The following CLPTM1L variants were observed in gnomAD, a reference collection of about 807,000 sequenced individuals.
CLPTM1L encodes the protein lipid scramblase CLPTM1L.
CLPTM1L carries 38 observed loss-of-function variants against 70.9 expected under a neutral mutation model. The observed-to-expected ratio is 0.54, with a 90% confidence interval of 0.41 to 0.70. The LOEUF (loss-of-function observed/expected upper bound fraction) is 0.70. Ranked by LOEUF, CLPTM1L falls within the 30% of genes least tolerant of loss-of-function variation. The pLI, the probability that CLPTM1L is intolerant of heterozygous loss-of-function variation, is 0.00. For missense variants in CLPTM1L, 652 were observed against 705.9 expected, an observed-to-expected ratio of 0.92 and a Z score of 0.87; for synonymous variants, 339 against 299.9, an observed-to-expected ratio of 1.13 and a Z score of -1.35.
chr5:1,331,474 G>C, intron 8 of CLPTM1L: 1 of 426,030 alleles, frequency 2.3e-6, no homozygotes. Flanking sequence ...CAGCGCCCAT[G>C]AGCAGCCGGG....
rs1205010137 is a variant in CLPTM1L at position 1,317,889 on chromosome 5, T to C, written c.*480A>G. On this transcript the variant is annotated 3_prime_UTR_variant, in exon 17 of 17. Transcript: ENST00000320895. ...AAATGCCACAGCCAGAAAAATTTAT[T>C]TTAAAATAGAAACATACATTAAGCT... 6.5e-6 allele frequency: 1 copy of C among 154,588 alleles called. No homozygotes were observed. Among genetic ancestry groups the C allele is most frequent in the Non-Finnish European group, 1.4e-5 (1 of 69,756 alleles). The allele number at this position is 154,588 out of a possible 1,614,324, so 9.6% of individuals were successfully genotyped here.
intron 2 of CLPTM1L, among the ~76,000 whole-genome samples, chr5:1,343,054 G>C (rs1173162627): frequency 6.6e-6 from 1 of 152,222 alleles, no homozygotes; most frequent in Non-Finnish European, 1.5e-5. Context: ...AGCCAGGCGT[G>C]GTGGCGGGTG....
chr5:1,339,150 G>C, intron 3 of CLPTM1L, 145 bp from the exon 4 acceptor site: 1 of 932,056 alleles, frequency 1.1e-6, no homozygotes, highest in Non-Finnish European at 1.6e-6. Flanking sequence ...CCTAACCTGT[G>C]AAGAGATGGC....
Position 1,320,644 on chromosome 5 carries a change from C to A in CLPTM1L, c.1504G>T (p.Val502Leu), listed in dbSNP as rs963367224. 2.6e-6 allele frequency: 4 copies of A among 1,545,430 alleles called. No homozygotes were observed. Among genetic ancestry groups the A allele is most frequent in the Non-Finnish European group, 3.5e-6 (4 of 1,143,988 alleles). The change falls in exon 16 of 17, where the codon GTG becomes TTG. Residue 502 changes from valine (V) to leucine (L), a missense_variant. Val to Leu is a conservative substitution (Grantham distance 32). This residue lies in a region of CLPTM1L where 240 missense variants were observed against 295.0 expected (regional missense o/e 0.81). Transcript: ENST00000320895. ...HRLACFRDDVVFLVYLYQRWL... is the reference protein window; with the variant it reads ...HRLACFRDDVLFLVYLYQRWL... The stretch of plus-strand genomic sequence containing the variant: ...CGCTGGTACAGGTAGACCAGAAACA[C>A]CACGTCGTCCCGGAAGCAGGCCAGC...
intron 3 of CLPTM1L, 123 bp from the exon 4 acceptor site, chr5:1,339,128 C>G (rs1307409073): frequency 3.4e-6 from 4 of 1,164,846 alleles, no homozygotes; most frequent in Non-Finnish European, 4.8e-6. Flanking sequence ...CCCGGGACAG[C>G]AGGGTCAGCC....
At chr5:1,336,686 C>T (rs1366743678) in intron 5 of CLPTM1L, among the ~76,000 whole-genome samples, 4 of 152,194 alleles carry the variant, frequency 2.6e-5, no homozygotes, top group African/African-American at 7.2e-5. Context: ...TTGCAGGGGC[C>T]GACAGAGAAA....
In CLPTM1L at chr5:1,330,364, G is replaced by A. The variant is rs1181274564; in HGVS notation, c.996C>T (p.Ser332=). Residue 332 remains serine (S), a synonymous_variant, in exon 9 of 17, where the codon AGC becomes AGT. Coordinates refer to ENST00000320895, the MANE Select transcript of CLPTM1L (RefSeq NM_030782.5). Reference sequence around the variant, plus strand: ...GCAGGAACAGAAAGATGACCACGGTGCTGAAGCAGCGCCAGAGCACTGGGG... The same window carrying A: ...GCAGGAACAGAAAGATGACCACGGTACTGAAGCAGCGCCAGAGCACTGGGG... ...STKAVLWRCF[S]TVVIFLFLLD... is the part of the protein sequence containing the mutation. 1.2e-6 allele frequency: 2 copies of A among 1,612,748 alleles called. No individual in the cohort carries two copies. The highest frequency in any genetic ancestry group is 2.7e-5 in the African/African-American group (2 of 74,926).
At chr5:1,340,328 A>G (rs957135607) in intron 3 of CLPTM1L, among the ~76,000 whole-genome samples, 2 of 152,166 alleles carry the variant, frequency 1.3e-5, no homozygotes, top group Non-Finnish European at 2.9e-5. Context: ...TAAAGGAGAC[A>G]TACTGAGGAT....
intron 9 of CLPTM1L, among the ~76,000 whole-genome samples, chr5:1,327,671 A>AGCTCCTCCTCTACAGACACATTTCATCCT: frequency 6.8e-6 from 1 of 147,842 alleles, no homozygotes; most frequent in Non-Finnish European, 1.5e-5. Flanking sequence ...CATTTCATCC[A>AGCTCCTCCTCTACAGACACATTTCATCCT]GCTCCTCCTC....
intron 16 of CLPTM1L, chr5:1,320,060 C>G (rs374275734): frequency 5.8e-4 from 88 of 152,406 alleles, no homozygotes; most frequent in African/African-American, 2.0e-3. Context: ...GAACCTCTGC[C>G]TTTAGAAAAT....
At chr5:1,335,330 G>A (rs1380048817) in intron 5 of CLPTM1L, among the ~76,000 whole-genome samples, 156 bp from the exon 6 acceptor site, 2 of 152,166 alleles carry the variant, frequency 1.3e-5, no homozygotes, top group African/African-American at 4.8e-5. Context: ...CCCTCCTTCT[G>A]TCACCACAGG....
At chr5:1,340,582 G>C (rs1441709984) in intron 3 of CLPTM1L, among the ~76,000 whole-genome samples, 1 of 152,214 alleles carries the variant, frequency 6.6e-6, no homozygotes, top group Non-Finnish European at 1.5e-5. Flanking sequence ...CAGGACACTG[G>C]AGAGGAGGGA....
intron 9 of CLPTM1L, among the ~76,000 whole-genome samples, chr5:1,327,567 A>T (rs1389361331): frequency 1.3e-5 from 2 of 148,766 alleles, no homozygotes; most frequent in East Asian, 4.1e-4. Context: ...CTCCTGCTCT[A>T]CAGGGACATT....
chr5:1,320,498 T>TA (rs1579615700), intron 16 of CLPTM1L, 118 bp downstream of exon 16: 11 of 544,844 alleles, frequency 2.0e-5, no homozygotes, highest in Non-Finnish European at 3.4e-5. Flanking sequence ...CACCTGCAAA[T>TA]TATCTTTTCC....
chr5:1,333,652 A>G (rs1753325240), intron 7 of CLPTM1L, among the ~76,000 whole-genome samples: 1 of 102,234 alleles, frequency 9.8e-6, no homozygotes. Flanking sequence ...GGACTACTGT[A>G]TACACACCGG....
At chr5:1,322,406 G>C (rs922880392) in intron 13 of CLPTM1L, among the ~76,000 whole-genome samples, 1 of 152,228 alleles carries the variant, frequency 6.6e-6, no homozygotes, top group Admixed American at 6.5e-5. Context: ...TCCCCACACT[G>C]CATCTGCAGG....
intron 2 of CLPTM1L, among the ~76,000 whole-genome samples, chr5:1,343,430 T>C (rs1193923830): frequency 2.0e-5 from 3 of 152,276 alleles, no homozygotes; most frequent in Non-Finnish European, 4.4e-5. Flanking sequence ...CCAGGTCAAA[T>C]GGAAAACCTC....
At chr5:1,321,192 C>T (rs1038745036) in intron 15 of CLPTM1L, among the ~76,000 whole-genome samples, 4 of 152,242 alleles carry the variant, frequency 2.6e-5, no homozygotes, top group African/African-American at 9.6e-5. Context: ...AACTCAGCTC[C>T]GCCTGCAATG....
chr5:1,336,588 T>C (rs1430483614), intron 5 of CLPTM1L, among the ~76,000 whole-genome samples: 6 of 152,208 alleles, frequency 3.9e-5, no homozygotes, highest in African/African-American at 1.4e-4. Context: ...CACACAGCTC[T>C]GTATGGGGCA....
Sources: allele counts gnomAD v4.1 joint callset (sites outside exome capture counted in the v4.1 genomes callset), GRCh38; gene constraint gnomAD v4.1.1; regional missense constraint gnomAD v4.1.1; transcripts MANE v1.5; gene names NCBI Gene and HGNC (gene_info 2026-07-23, HGNC 2026-07-21).